EFNA5: variants seen among roughly 807,000 people sequenced by gnomAD.
EFNA5 encodes the protein ephrin-A5.
EFNA5 carries 5 observed loss-of-function variants against 22.9 expected under a neutral mutation model. That is an observed-to-expected ratio of 0.22 (90% CI 0.11 to 0.46). EFNA5 has a LOEUF of 0.46. EFNA5 is among the 20% of genes least tolerant of loss of function. EFNA5 has a pLI of 0.99. For missense variants in EFNA5, 237 were observed against 293.3 expected, an observed-to-expected ratio of 0.81 and a Z score of 1.40; for synonymous variants, 113 against 112.2, an observed-to-expected ratio of 1.01 and a Z score of -0.04.
rs1747406297 is a variant in EFNA5, at chr5:107,513,085, A to G, written c.126-85576T>C. Among the ~76,000 whole-genome samples, 2 of 152,180 alleles carry G rather than the reference A, an allele frequency of 1.3e-5. 1 individual carries two copies. Among genetic ancestry groups the G allele is most frequent in the South Asian group, 4.1e-4 (2 of 4,834 alleles). ...GGGCTAGGGGCCTCACCCACCAGGC[A>G]TGAGAGGTAATTTGTGCTTCCCTGG... On this transcript the variant is annotated intron_variant, in intron 1 of 4. Coordinates refer to ENST00000333274, the MANE Select transcript of EFNA5 (RefSeq NM_001962.3).
At chr5:107,626,455 A>C (rs568757657) in intron 1 of EFNA5, among the ~76,000 whole-genome samples, 2 of 151,806 alleles carry the variant, frequency 1.3e-5, no homozygotes, top group African/African-American at 4.8e-5. Context: ...TTTAAAAAAA[A>C]TTTTTTTTAG....
intron 2 of EFNA5, among the ~76,000 whole-genome samples, chr5:107,411,657 T>G (rs1748368893): frequency 6.6e-6 from 1 of 152,252 alleles, no homozygotes; most frequent in Non-Finnish European, 1.5e-5. Flanking sequence ...TGTTTGTTGG[T>G]ATTTGACACA....
intron 1 of EFNA5, among the ~76,000 whole-genome samples, chr5:107,542,634 G>T (rs1011836118): frequency 1.3e-5 from 2 of 152,078 alleles, no homozygotes; most frequent in African/African-American, 4.8e-5. Flanking sequence ...ATTAATGTGT[G>T]TACAGGGAGG....
chr5:107,469,941 C>T (rs1750092840), intron 1 of EFNA5, among the ~76,000 whole-genome samples: 1 of 152,114 alleles, frequency 6.6e-6, no homozygotes, highest in Non-Finnish European at 1.5e-5. Context: ...GTGATGATTT[C>T]CTCCAAATTA....
At chr5:107,450,513 C>T (rs73197013) in intron 1 of EFNA5, among the ~76,000 whole-genome samples, 1,713 of 152,270 alleles carry the variant, frequency 0.011, 40 homozygotes, top group African/African-American at 0.039. Flanking sequence ...CATTCAAGAG[C>T]GCCTAATGCC....
intron 1 of EFNA5, among the ~76,000 whole-genome samples, chr5:107,538,484 G>A (rs1369718623): frequency 6.6e-6 from 1 of 152,204 alleles, no homozygotes; most frequent in African/African-American, 2.4e-5. Flanking sequence ...AGGAACATAA[G>A]AATGGTCTGA....
chr5:107,658,019 A>G (rs1251759170), intron 1 of EFNA5, among the ~76,000 whole-genome samples: 2 of 152,156 alleles, frequency 1.3e-5, no homozygotes, highest in African/African-American at 2.4e-5. Flanking sequence ...ACTCTACAGG[A>G]GCAAAAGTTT....
chr5:107,401,990 C>CT (rs1431380757), intron 2 of EFNA5, among the ~76,000 whole-genome samples: 1 of 152,204 alleles, frequency 6.6e-6, no homozygotes, highest in Non-Finnish European at 1.5e-5. Flanking sequence ...TTTCTGTGCA[C>CT]TGCTGTGAGG....
At chr5:107,571,340 C>T (rs916201587) in intron 1 of EFNA5, among the ~76,000 whole-genome samples, 7 of 152,114 alleles carry the variant, frequency 4.6e-5, no homozygotes, top group Non-Finnish European at 8.8e-5. Flanking sequence ...CATAAAGCAC[C>T]ACATTGTGGT....
intron 1 of EFNA5, among the ~76,000 whole-genome samples, chr5:107,615,026 T>C (rs1021206561): frequency 2.6e-5 from 4 of 152,146 alleles, no homozygotes; most frequent in African/African-American, 9.7e-5. Flanking sequence ...AAAATACCTA[T>C]GTTAACTGCC....
intron 1 of EFNA5, among the ~76,000 whole-genome samples, chr5:107,656,747 T>A (rs1377934588): frequency 6.6e-6 from 1 of 152,122 alleles, no homozygotes; most frequent in Non-Finnish European, 1.5e-5. Flanking sequence ...AGGGAGATAT[T>A]TTTATTATAC....
At chr5:107,413,752 G>A (rs551359076) in intron 2 of EFNA5, among the ~76,000 whole-genome samples, 1 of 152,198 alleles carries the variant, frequency 6.6e-6, no homozygotes, top group South Asian at 2.1e-4. Flanking sequence ...TATGGTTTTT[G>A]TTTGCATCAG....
At chr5:107,440,878 C>G (rs1228627729) in intron 1 of EFNA5, among the ~76,000 whole-genome samples, 1 of 152,188 alleles carries the variant, frequency 6.6e-6, no homozygotes, top group East Asian at 1.9e-4. Context: ...TCTAATATAG[C>G]ACGTCAATTG....
At chr5:107,618,101 C>T (rs1749961163) in intron 1 of EFNA5, among the ~76,000 whole-genome samples, 1 of 152,136 alleles carries the variant, frequency 6.6e-6, no homozygotes, top group South Asian at 2.1e-4. Flanking sequence ...TGAGCTCCTA[C>T]TATGTACCAT....
At chr5:107,401,203 T>C (rs1011540732) in intron 2 of EFNA5, among the ~76,000 whole-genome samples, 8 of 152,192 alleles carry the variant, frequency 5.3e-5, no homozygotes, top group African/African-American at 1.4e-4. Flanking sequence ...CTACTTAAGT[T>C]TTAAGGAATC....
rs1335506090 is a variant in EFNA5, at chr5:107,397,410, G to A, written c.419-9639C>T. Among the ~76,000 whole-genome samples, 10 of 152,218 alleles carry A rather than the reference G, an allele frequency of 6.6e-5. No individual in the cohort carries two copies. In the East Asian group the frequency reaches 1.2e-3, roughly 18 times the overall value. On this transcript the variant is annotated intron_variant, in intron 2 of 4. Transcript: ENST00000333274. ...CTAAAAATACAAAAATTGGTGGGGCGTGGTGGCAGGCGCCTGTAATCCCAG... is the reference window on the plus strand; with the variant it reads ...CTAAAAATACAAAAATTGGTGGGGCATGGTGGCAGGCGCCTGTAATCCCAG...
chr5:107,575,335 CA>C (rs1748905564), intron 1 of EFNA5, among the ~76,000 whole-genome samples: 1 of 152,106 alleles, frequency 6.6e-6, no homozygotes, highest in African/African-American at 2.4e-5. Flanking sequence ...GAAAGCTAAG[CA>C]GACACTTTCC....
chr5:107,474,471 T>C (rs758279718), intron 1 of EFNA5, among the ~76,000 whole-genome samples: 1 of 152,118 alleles, frequency 6.6e-6, no homozygotes, highest in Non-Finnish European at 1.5e-5. Context: ...AAATCTAGTA[T>C]GTAAAAATTT....
chr5:107,525,235 TTACAGTTCTTGGCACA>T (rs568947944), intron 1 of EFNA5, among the ~76,000 whole-genome samples: 100 of 152,142 alleles, frequency 6.6e-4, no homozygotes, highest in Non-Finnish European at 1.3e-3. Context: ...ACTGAAGAAA[TTACAGTTCTTGGCACA>T]TACAGTTCTT....
Sources: gnomAD v4.1 joint callset for allele counts (sites outside exome capture counted in the v4.1 genomes callset) on GRCh38, gnomAD v4.1.1 for gene constraint, MANE v1.5 for transcripts, NCBI Gene and HGNC (gene_info 2026-07-23, HGNC 2026-07-21) for gene names.